The following PHGDH variants were observed in gnomAD, a reference collection of about 807,000 sequenced individuals.
The protein encoded by PHGDH is phosphoglycerate dehydrogenase.
Under a neutral mutation model 52.6 loss-of-function variants are expected in PHGDH, and 50 were observed. The ratio of observed to expected loss-of-function variants is 0.95; its 90% CI spans 0.76 to 1.20. PHGDH has a LOEUF of 1.20. Among genes scored for constraint, PHGDH ranks in the 50% most tolerant of loss-of-function variants. The probability of loss-of-function intolerance (pLI) is 0.00; values close to 1 mark genes in which losing one functional copy is unlikely to be tolerated. For missense variants in PHGDH, 630 were observed against 684.6 expected (o/e 0.92, Z 0.89); for synonymous variants, 271 against 280.5 (o/e 0.97, Z 0.34).
At chr1:119,717,879 G>C (rs1651000362) in intron 1 of PHGDH, among the ~76,000 whole-genome samples, 1 of 152,198 alleles carries the variant, frequency 6.6e-6, no homozygotes, top group South Asian at 2.1e-4. Flanking sequence ...AAGTGTTAAA[G>C]TTATTTGGGA....
chr1:119,718,563 A>G (rs984263095), intron 1 of PHGDH, among the ~76,000 whole-genome samples: 1 of 152,214 alleles, frequency 6.6e-6, no homozygotes, highest in Admixed American at 6.5e-5. Context: ...GCCAGTGGCA[A>G]TGACTTTCCA....
intron 8 of PHGDH, among the ~76,000 whole-genome samples, chr1:119,738,060 A>G (rs1245324170): frequency 6.9e-6 from 1 of 145,408 alleles, no homozygotes; most frequent in Non-Finnish European, 1.5e-5. Context: ...GTTCAGTTCC[A>G]TGGGGTGTTT....
At chr1:119,730,653 G>A (rs148987158) in intron 5 of PHGDH, among the ~76,000 whole-genome samples, 1 of 152,260 alleles carries the variant, frequency 6.6e-6, no homozygotes, top group East Asian at 1.9e-4. Context: ...CAGATAAATT[G>A]CTTTTTATTT....
In PHGDH at chr1:119,723,367, G is replaced by A; in HGVS notation, c.291-9G>A. On this transcript the variant is annotated splice_polypyrimidine_tract_variant and intron_variant, in intron 2 of 11. Transcript: ENST00000641023. ...GCCCATTGATGTCCCCCTTTTCTTT[G>A]ATCTTTAGCACCCCCAATGGGAACA... is the stretch of plus-strand genomic sequence containing the variant. 6.2e-7 allele frequency: 1 copy of A among 1,610,938 alleles called. No homozygotes were observed. The highest frequency in any genetic ancestry group is 8.5e-7 in the Non-Finnish European group (1 of 1,177,218).
At chr1:119,737,393 C>G in intron 8 of PHGDH, 127 bp downstream of exon 8, 1 of 823,298 alleles carries the variant, frequency 1.2e-6, no homozygotes, top group Non-Finnish European at 1.9e-6. Flanking sequence ...TAAGGGAAAT[C>G]TGCTTGAGTC....
chr1:119,742,729 T>C, intron 10 of PHGDH, 78 bp from the exon 11 acceptor site: 7 of 859,648 alleles, frequency 8.1e-6, no homozygotes, highest in Non-Finnish European at 1.4e-5. Flanking sequence ...ATCCTACCAA[T>C]GGGTGATTTG....
chr1:119,735,935 G>A (rs1651914468), intron 7 of PHGDH, among the ~76,000 whole-genome samples: 1 of 152,164 alleles, frequency 6.6e-6, no homozygotes, highest in African/African-American at 2.4e-5. Context: ...GGGTCCTCGG[G>A]GTGGGCTGCT....
chr1:119,743,386 T>G (rs1267796378), intron 11 of PHGDH, among the ~76,000 whole-genome samples: 1 of 152,150 alleles, frequency 6.6e-6, no homozygotes, highest in East Asian at 1.9e-4. Context: ...TGAGTGCAGG[T>G]TTCTTACTCC....
intron 3 of PHGDH, among the ~76,000 whole-genome samples, chr1:119,725,153 A>G (rs1374752570): frequency 2.6e-5 from 4 of 152,190 alleles, no homozygotes; most frequent in African/African-American, 9.7e-5. Flanking sequence ...CTGCTTTACC[A>G]TCTCCTCCTC....
At chr1:119,724,765 T>C (rs1411849902) in intron 3 of PHGDH, 3 of 456,020 alleles carry the variant, frequency 6.6e-6, no homozygotes, top group East Asian at 7.0e-5. Context: ...GAGCCAGCAA[T>C]ACTTTCCCTC....
At position 119,737,264 on chromosome 1, in the gene PHGDH, G is replaced by T. The variant is rs745864590; in HGVS notation, c.943G>T (p.Val315Phe). 1.2e-6 allele frequency: 2 copies of T among 1,612,516 alleles called. No individual in the cohort carries two copies. Among genetic ancestry groups the T allele is most frequent in the East Asian group, 2.2e-5 (1 of 44,828 alleles). ...GGTGAAGGGGAAATCTCTCACGGGG[G>T]TTGTAAGTATCACCACCTGGGGCTG... Reference protein sequence around the residue: ...DMVKGKSLTGVVNAQALTSAF... With the variant: ...DMVKGKSLTGFVNAQALTSAF... Residue 315 changes from valine to phenylalanine, a missense_variant and splice_region_variant, in exon 8 of 12, where the codon GTT becomes TTT. Physicochemically the swap from Val to Phe is conservative, Grantham distance 50 (BLOSUM62 -1). Coordinates refer to ENST00000641023, the MANE Select transcript of PHGDH (RefSeq NM_006623.4).
intron 3 of PHGDH, among the ~76,000 whole-genome samples, chr1:119,724,142 A>C (rs1245551874): frequency 1.3e-5 from 2 of 152,134 alleles, no homozygotes; most frequent in Non-Finnish European, 2.9e-5. Context: ...TAATTTGGCA[A>C]AACTGATTGC....
intron 5 of PHGDH, among the ~76,000 whole-genome samples, chr1:119,733,850 G>T (rs762369912): frequency 2.0e-5 from 3 of 152,148 alleles, no homozygotes; most frequent in South Asian, 4.1e-4. Flanking sequence ...GGTTAAGGGG[G>T]ATTTCTCTTC....
At chr1:119,718,814 A>G (rs1395246016) in intron 1 of PHGDH, among the ~76,000 whole-genome samples, 2 of 152,206 alleles carry the variant, frequency 1.3e-5, no homozygotes, top group Non-Finnish European at 2.9e-5. Flanking sequence ...TTAATATAAA[A>G]TCCCTGCATT....
At chr1:119,727,773 G>T (rs1475036099) in intron 5 of PHGDH, 2 of 153,344 alleles carry the variant, frequency 1.3e-5, no homozygotes, top group Non-Finnish European at 2.9e-5. Flanking sequence ...GGCGGAGCTT[G>T]CAGTGAGCCG....
chr1:119,726,504 C>T, intron 3 of PHGDH: 1 of 425,456 alleles, frequency 2.4e-6, no homozygotes, highest in Admixed American at 3.5e-5. Context: ...TCAGAGTTGC[C>T]CAGTACCCCA....
chr1:119,733,097 C>G (rs587630670), intron 5 of PHGDH, among the ~76,000 whole-genome samples: 74 of 152,262 alleles, frequency 4.9e-4, no homozygotes, highest in African/African-American at 1.6e-3. Flanking sequence ...AGGGGAGCAG[C>G]AGTGTCTGAA....
chr1:119,742,806 G>T lies in PHGDH; in HGVS notation c.1210-1G>T. The T allele has an allele frequency of 1.3e-6, 2 of 1,594,298 alleles. No individual in the cohort carries two copies. The highest frequency in any genetic ancestry group is 1.7e-6 in the Non-Finnish European group (2 of 1,166,782). ...ACAGTCACCTTGCCTTCTCCACACA[G>T]GTCACCACCTCCCACAGCCCTGCTG... On this transcript the variant is annotated splice_acceptor_variant, in intron 10 of 11. Coordinates refer to ENST00000641023, the MANE Select transcript of PHGDH (RefSeq NM_006623.4). LOFTEE classifies it high-confidence loss of function.
chr1:119,720,857 C>T (rs1256573375), intron 1 of PHGDH: 1 of 399,314 alleles, frequency 2.5e-6, no homozygotes, highest in Non-Finnish European at 4.7e-6. Flanking sequence ...CTGCAGGCAT[C>T]ATGGTGCTGT....
Sources: allele counts gnomAD v4.1 joint callset (sites outside exome capture counted in the v4.1 genomes callset), GRCh38; gene constraint gnomAD v4.1.1; transcripts MANE v1.5; gene names NCBI Gene and HGNC (gene_info 2026-07-23, HGNC 2026-07-21).